RASGEF1C: variants seen among roughly 807,000 people sequenced by gnomAD.
RASGEF1C encodes the protein RasGEF domain family member 1C.
In RASGEF1C, 27 loss-of-function variants were observed where a neutral mutation model predicts 58.1. The observed-to-expected ratio is 0.46, with a 90% CI of 0.34 to 0.64. The LOEUF is 0.64. RASGEF1C is among the 30% of genes least tolerant of loss of function. RASGEF1C has a pLI of 0.01. For missense variants in RASGEF1C, 502 were observed against 605.1 expected, an observed-to-expected ratio of 0.83 and a Z score of 1.79; for synonymous variants, 243 against 246.3, an observed-to-expected ratio of 0.99 and a Z score of 0.13.
At chr5:180,123,760 CAA>C (rs1766213506) in intron 6 of RASGEF1C, among the ~76,000 whole-genome samples, 1 of 151,908 alleles carries the variant, frequency 6.6e-6, no homozygotes, top group South Asian at 2.1e-4. Flanking sequence ...ACAGAATCAA[CAA>C]AGTCAAAAGA....
At position 180,155,921 on chromosome 5, in the gene RASGEF1C, C is replaced by T. The variant is rs1363343369; in HGVS notation, c.-6-17863G>A. Among the ~76,000 whole-genome samples, 1 of 152,184 alleles carries T rather than the reference C, an allele frequency of 6.6e-6. No homozygotes were observed. Among genetic ancestry groups the T allele is most frequent in the African/African-American group, 2.4e-5 (1 of 41,448 alleles). On this transcript the variant is annotated intron_variant, in intron 1 of 13. Coordinates refer to ENST00000361132, the MANE Select transcript of RASGEF1C (RefSeq NM_175062.4). This position sits in a 1 kb window ranked among gnomAD's most constrained non-coding sequence, Gnocchi z 5.2. ...CCAAGAGGGCACTGTCCCCCCCTCA[C>T]TGCTGAGCAAGCAAGTGACCAGGTT...
intron 1 of RASGEF1C, among the ~76,000 whole-genome samples, chr5:180,202,602 A>G (rs1207781004): frequency 6.6e-6 from 1 of 152,246 alleles, no homozygotes; most frequent in Non-Finnish European, 1.5e-5. Flanking sequence ...AAATTTAGGG[A>G]CAGAAAGTAA....
intron 12 of RASGEF1C, among the ~76,000 whole-genome samples, chr5:180,109,208 GCACTT>G (rs1765915510): frequency 6.6e-6 from 1 of 152,174 alleles, no homozygotes; most frequent in Non-Finnish European, 1.5e-5. Flanking sequence ...TGTAATCCCA[GCACTT>G]TGGGAGGCTG....
rs538036673 is a variant in RASGEF1C at position 180,128,357 on chromosome 5, C to T, written c.639+53G>A. 6 of 1,505,712 alleles carry T rather than the reference C, an allele frequency of 4.0e-6. No homozygotes were observed. The African/African-American group carries it at 6.9e-5, about 17-fold the overall frequency. 93.3% of individuals were successfully genotyped at this position (1,505,712 alleles called of 1,614,324 possible). ...GGAAGCCAGGGAGGGCACAGTGTATCTGTGTGTGTCCTGCTGAATCCCGGG... is the reference window on the plus strand; with the variant it reads ...GGAAGCCAGGGAGGGCACAGTGTATTTGTGTGTGTCCTGCTGAATCCCGGG... On this transcript the variant is annotated intron_variant, in intron 5 of 13. Coordinates refer to ENST00000361132, the MANE Select transcript of RASGEF1C (RefSeq NM_175062.4).
At chr5:180,184,071 C>T (rs1755983356) in intron 1 of RASGEF1C, among the ~76,000 whole-genome samples, 1 of 150,312 alleles carries the variant, frequency 6.7e-6, no homozygotes. Flanking sequence ...GGCTGAGGCA[C>T]AAGAATCACT....
At chr5:180,169,959 C>A (rs544576620) in intron 1 of RASGEF1C, among the ~76,000 whole-genome samples, 2 of 152,282 alleles carry the variant, frequency 1.3e-5, no homozygotes, top group South Asian at 2.1e-4. Flanking sequence ...CCCTCGGAGA[C>A]CTTCCGTGAC....
At chr5:180,181,069 A>C (rs1202312024) in intron 1 of RASGEF1C, among the ~76,000 whole-genome samples, 1 of 152,236 alleles carries the variant, frequency 6.6e-6, no homozygotes, top group African/African-American at 2.4e-5. Context: ...ATGCAGGAGC[A>C]AGAGGACGAA....
At chr5:180,136,238 T>C in intron 4 of RASGEF1C, 140 bp downstream of exon 4, 1 of 881,182 alleles carries the variant, frequency 1.1e-6, no homozygotes, top group Middle Eastern at 3.6e-4. Context: ...GATTCCTTGA[T>C]AGGCCAGAAA....
In RASGEF1C at chr5:180,101,693, G is replaced by A. The variant is rs946168038; in HGVS notation, c.1377-168C>T. On this transcript the variant is annotated intron_variant, in intron 13 of 13. Coordinates refer to ENST00000361132, the MANE Select transcript of RASGEF1C (RefSeq NM_175062.4). ...CTCAGCCCTCGAAGTCCATTGCTAT[G>A]GATCATTTCCGACCGCCACTTGGAC... Among the ~76,000 whole-genome samples, 12 of 152,362 alleles carry A rather than the reference G, an allele frequency of 7.9e-5. No individual in the cohort carries two copies. In the South Asian group the frequency reaches 1.9e-3, roughly 24 times the overall value.
intron 13 of RASGEF1C, 45 bp from the exon 14 acceptor site, chr5:180,101,570 C>G (rs1765785754): frequency 6.2e-7 from 1 of 1,606,042 alleles, no homozygotes; most frequent in Admixed American, 1.7e-5. Context: ...CTGGAGCTCC[C>G]CACCCCAGTT....
chr5:180,189,387 A>G (rs1240575932), intron 1 of RASGEF1C, among the ~76,000 whole-genome samples: 5 of 152,232 alleles, frequency 3.3e-5, no homozygotes, highest in African/African-American at 1.2e-4. Context: ...TCTAAAATTT[A>G]TTTCAAAATG....
chr5:180,118,404 A>T (rs1158669901), intron 10 of RASGEF1C, among the ~76,000 whole-genome samples: 1 of 152,140 alleles, frequency 6.6e-6, no homozygotes, highest in Non-Finnish European at 1.5e-5. Flanking sequence ...CTCATGAAGC[A>T]CTTCCTGTCA....
At chr5:180,172,267 C>G (rs1020128740) in intron 1 of RASGEF1C, among the ~76,000 whole-genome samples, 4 of 152,148 alleles carry the variant, frequency 2.6e-5, no homozygotes, top group African/African-American at 9.7e-5. Context: ...GCCCAGATGG[C>G]TGGTGGTCCC....
At chr5:180,206,528 G>C (rs1310388979) in intron 1 of RASGEF1C, among the ~76,000 whole-genome samples, 1 of 152,178 alleles carries the variant, frequency 6.6e-6, no homozygotes, top group Non-Finnish European at 1.5e-5. Flanking sequence ...TCTTGACAAG[G>C]AATTTGGGAC....
At chr5:180,175,057 C>A (rs1442431071) in intron 1 of RASGEF1C, among the ~76,000 whole-genome samples, 1 of 152,110 alleles carries the variant, frequency 6.6e-6, no homozygotes, top group Non-Finnish European at 1.5e-5. Context: ...GGGAAAGGCC[C>A]CAGCGGCCAG....
At chr5:180,159,529 G>A (rs1001440714) in intron 1 of RASGEF1C, among the ~76,000 whole-genome samples, 2 of 152,064 alleles carry the variant, frequency 1.3e-5, no homozygotes, top group Non-Finnish European at 1.5e-5. Flanking sequence ...CCTGCTCTCC[G>A]TCTGCCATGC....
intron 12 of RASGEF1C, among the ~76,000 whole-genome samples, chr5:180,108,976 G>C (rs1765912242): frequency 6.6e-6 from 1 of 152,216 alleles, no homozygotes. Flanking sequence ...TTAACTGCTA[G>C]ATTGTTGCCT....
intron 1 of RASGEF1C, among the ~76,000 whole-genome samples, chr5:180,191,420 G>C (rs13157604): frequency 0.65 from 98,721 of 151,770 alleles, 34,153 homozygotes; most frequent in East Asian, 0.86. Flanking sequence ...GCAGTGGCGC[G>C]ATCTCAGCTC....
rs977810972 is a variant in RASGEF1C, at chr5:180,135,047, C to CA, written c.438+1330_438+1331insT. Among the ~76,000 whole-genome samples, 10 of 140,310 alleles carry CA rather than the reference C, an allele frequency of 7.1e-5. 1 individual carries two copies. The South Asian group carries it at 7.5e-4, about 10-fold the overall frequency. The allele number at this position is 140,310 out of a possible 152,430, so 92.0% of individuals were successfully genotyped here. ...CCCATCCCGTTTCCGCTGTCCCCAC[C>CA]CCCCCCGTCCAATCATCAACTGTTC... On this transcript the variant is annotated intron_variant, in intron 4 of 13. Coordinates refer to ENST00000361132, the MANE Select transcript of RASGEF1C (RefSeq NM_175062.4).
Sources: gnomAD v4.1 joint callset for allele counts (sites outside exome capture counted in the v4.1 genomes callset) on GRCh38, gnomAD v4.1.1 for gene constraint, Gnocchi (gnomAD v3.1) non-coding constraint, MANE v1.5 for transcripts, NCBI Gene and HGNC (gene_info 2026-07-23, HGNC 2026-07-21) for gene names.